The following STAR variants were observed in gnomAD, a reference collection of about 807,000 sequenced individuals.
The protein encoded by STAR is steroidogenic acute regulatory protein, also known as steroidogenic acute regulatory protein, mitochondrial.
Under a neutral mutation model 32.3 loss-of-function variants are expected in STAR, and 32 were observed. That is an observed-to-expected ratio of 0.99 (90% CI 0.75 to 1.33). The LOEUF is 1.33. Among genes scored for constraint, STAR ranks in the 40% most tolerant of loss-of-function variants. The pLI is 0.00. For missense variants in STAR, 375 were observed against 379.0 expected (o/e 0.99, Z 0.09); for synonymous variants, 134 against 140.5 (o/e 0.95, Z 0.33).
rs1036821071 is a variant in STAR at position 38,145,600 on chromosome 8, G to A, written c.651-285C>T. The A allele has an allele frequency of 5.3e-6, 3 of 562,956 alleles. No individual in the cohort carries two copies. In the African/African-American group the frequency reaches 5.6e-5, roughly 11 times the overall value. 34.9% of individuals were successfully genotyped at this position (562,956 alleles called of 1,614,324 possible). A position where few individuals can be genotyped will look rare whatever the true frequency, so the allele number is the denominator to read the frequency against. ...AAGGATTCAGGCTGGTGGCTGGGCT[G>A]GGGCCTTGGGAAATTCAGGAGGCTG... On this transcript the variant is annotated intron_variant, in intron 5 of 6. Coordinates refer to ENST00000276449, the MANE Select transcript of STAR (RefSeq NM_000349.3).
At position 38,144,216 on chromosome 8, in the gene STAR, C is replaced by G. The variant is rs1479912711; in HGVS notation, c.*57G>C. The G allele has an allele frequency of 6.6e-7, 1 of 1,522,920 alleles. No homozygotes were observed. The highest frequency in any genetic ancestry group is 8.9e-7 in the Non-Finnish European group (1 of 1,120,410). 94.3% of individuals were successfully genotyped at this position (1,522,920 alleles called of 1,614,324 possible). A position where few individuals can be genotyped will look rare whatever the true frequency, so the allele number is the denominator to read the frequency against. On this transcript the variant is annotated 3_prime_UTR_variant, in exon 7 of 7. Coordinates refer to ENST00000276449, the MANE Select transcript of STAR (RefSeq NM_000349.3). The stretch of plus-strand genomic sequence containing the variant: ...CTTGCAGGCTTCCAGTAGGGATTCT[C>G]CTGATGAGCGTGTGTACCAGTGCAG...
chr8:38,150,260 G>T (rs371514612), intron 1 of STAR, among the ~76,000 whole-genome samples: 1 of 151,460 alleles, frequency 6.6e-6, no homozygotes, highest in Non-Finnish European at 1.5e-5. Flanking sequence ...CTAGCTGGTT[G>T]TGGTGGTGCA....
chr8:38,144,487 G>T, intron 6 of STAR, 101 bp from the exon 7 acceptor site: 1 of 1,530,126 alleles, frequency 6.5e-7, no homozygotes, highest in South Asian at 1.2e-5. Flanking sequence ...TGGTCTTCGA[G>T]CTCTGTTAAT....
At chr8:38,145,153 G>C in intron 6 of STAR, 69 bp downstream of exon 6, 1 of 1,610,490 alleles carries the variant, frequency 6.2e-7, no homozygotes, top group East Asian at 2.2e-5. Flanking sequence ...CTGCAGCATG[G>C]GGGGAATGGG....
At chr8:38,145,118 C>G in intron 6 of STAR, 104 bp downstream of exon 6, 1 of 1,555,124 alleles carries the variant, frequency 6.4e-7, no homozygotes, top group South Asian at 1.2e-5. Context: ...GCCTGTGATT[C>G]TATCAGAATA....
chr8:38,145,080 A>T, intron 6 of STAR, 142 bp downstream of exon 6: 2 of 1,524,548 alleles, frequency 1.3e-6, no homozygotes, highest in Non-Finnish European at 8.8e-7. Context: ...CAGTTAGGCC[A>T]TCACTCCAGA....
At chr8:38,149,151 T>A (rs1802627610) in intron 1 of STAR, 1 of 264,606 alleles carries the variant, frequency 3.8e-6, no homozygotes, top group African/African-American at 2.2e-5. Context: ...TGTGCTTGCA[T>A]GAGGTCTGTG....
chr8:38,144,746 G>T, intron 6 of STAR: 1 of 831,062 alleles, frequency 1.2e-6, no homozygotes, highest in Non-Finnish European at 1.6e-6. Flanking sequence ...GCCAGGCGCA[G>T]TGGCTCACGC....
intron 1 of STAR, among the ~76,000 whole-genome samples, chr8:38,149,498 T>G (rs2843735): frequency 6.6e-6 from 1 of 152,304 alleles, no homozygotes; most frequent in Middle Eastern, 3.4e-3. Flanking sequence ...TCAATGATAA[T>G]CAGTCTTCCG....
chr8:38,144,636 T>C lies in STAR; in HGVS notation c.745-250A>G, dbSNP rs1040690965. The C allele has an allele frequency of 6.1e-6, 8 of 1,317,508 alleles. No individual in the cohort carries two copies. In the East Asian group the frequency reaches 1.1e-4, roughly 18 times the overall value. The allele number at this position is 1,317,508 out of a possible 1,614,324, so 81.6% of individuals were successfully genotyped here. On this transcript the variant is annotated intron_variant, in intron 6 of 6. Transcript: ENST00000276449. ...CAGCTGTGTGACCCTGAACCAGTTA[T>C]GTTGCCTTTTTCACCCTTCAGATCT...
Position 38,145,944 on chromosome 8 carries a change from A to T in STAR, c.650+19T>A. ...CCTGTGTTAGAAGAGGGGGGTTTGGAGCCTGCTGCCCGTATTACCTGATGA... is the reference window on the plus strand; with the variant it reads ...CCTGTGTTAGAAGAGGGGGGTTTGGTGCCTGCTGCCCGTATTACCTGATGA... On this transcript the variant is annotated intron_variant, in intron 5 of 6. Coordinates refer to ENST00000276449, the MANE Select transcript of STAR (RefSeq NM_000349.3). 6.2e-7 allele frequency: 1 copy of T among 1,612,752 alleles called. No individual in the cohort carries two copies.
At chr8:38,145,135 G>T (rs1802544024) in intron 6 of STAR, 87 bp downstream of exon 6, 1 of 1,595,028 alleles carries the variant, frequency 6.3e-7, no homozygotes, top group Non-Finnish European at 8.5e-7. Context: ...AATAGAAGAG[G>T]ATTCTTTCTG....
chr8:38,150,864 C>T lies in STAR; in HGVS notation c.-46G>A. On this transcript the variant is annotated 5_prime_UTR_variant, in exon 1 of 7. Coordinates refer to ENST00000276449, the MANE Select transcript of STAR (RefSeq NM_000349.3). ...AGTGGTGGGGTCGCTGCCGCTGCTG[C>T]TGCCGCCGCTGCTGCTGCCTCTTCT... is the stretch of plus-strand genomic sequence containing the variant. 1.3e-6 allele frequency: 2 copies of T among 1,599,310 alleles called. No homozygotes were observed. The highest frequency in any genetic ancestry group is 1.7e-6 in the Non-Finnish European group (2 of 1,179,658).
rs147138315 is a variant in STAR at position 38,146,109 on chromosome 8, G to A, written c.504C>T (p.His168=). ...TTCCTGCTGCCTCGGCAGCCAGCTC[G>A]TGAGTAATGAATGTATCTTTTCCGA... The part of the protein sequence containing the change: ...QKIGKDTFIT[H]ELAAEAAGNL... The change falls in exon 5 of 7, where the codon CAC becomes CAT. Residue 168 remains histidine (H), a synonymous_variant. Coordinates refer to ENST00000276449, the MANE Select transcript of STAR (RefSeq NM_000349.3). 3.2e-4 allele frequency: 515 copies of A among 1,614,146 alleles called. 3 individuals are homozygous for A. The African/African-American group carries it at 4.1e-3, about 13-fold the overall frequency.
intron 4 of STAR, 24 bp downstream of exon 4, chr8:38,146,265 C>CG (rs1457447771): frequency 1.7e-5 from 28 of 1,614,034 alleles, no homozygotes; most frequent in Non-Finnish European, 2.4e-5. Flanking sequence ...GGGCCCCTGC[C>CG]ACCTGCACCT....
chr8:38,146,855 G>C (rs918670636), intron 3 of STAR, among the ~76,000 whole-genome samples: 1 of 151,648 alleles, frequency 6.6e-6, no homozygotes, highest in African/African-American at 2.4e-5. Flanking sequence ...AACAGCAAAG[G>C]AACTCCAAGT....
chr8:38,146,055 G>A lies in STAR; in HGVS notation c.558C>T (p.Ser186=), dbSNP rs757825631. ...AGCCTCGGCGCTTGGCACAGCGCAC[G>A]CTCACAAAGTCACGGGGCCCCACCA... ...GNLVGPRDFV[S]VRCAKRRGST... is the part of the protein sequence containing the mutation. Residue 186 remains serine (S), a synonymous_variant, in exon 5 of 7, where the codon AGC becomes AGT. Coordinates refer to ENST00000276449, the MANE Select transcript of STAR (RefSeq NM_000349.3). 5.6e-6 allele frequency: 9 copies of A among 1,614,114 alleles called. No individual in the cohort carries two copies. The highest frequency in any genetic ancestry group is 4.5e-5 in the East Asian group (2 of 44,898).
chr8:38,150,457 AAAGG>A (rs1338549412), intron 1 of STAR, among the ~76,000 whole-genome samples: 1 of 151,360 alleles, frequency 6.6e-6, no homozygotes, highest in African/African-American at 2.4e-5. Context: ...GGGAAGGAAG[AAAGG>A]AAGAAAGAAA....
intron 6 of STAR, chr8:38,144,623 C>T (rs1802530685): frequency 7.4e-7 from 1 of 1,347,130 alleles, no homozygotes; most frequent in Non-Finnish European, 9.6e-7. Flanking sequence ...GCTGTGTGAC[C>T]CTGAACCAGT....
Sources: gnomAD v4.1 joint callset for allele counts (sites outside exome capture counted in the v4.1 genomes callset) on GRCh38, gnomAD v4.1.1 for gene constraint, MANE v1.5 for transcripts, NCBI Gene and HGNC (gene_info 2026-07-23, HGNC 2026-07-21) for gene names.